The following PLCG2 variants were observed in gnomAD, a reference collection of about 807,000 sequenced individuals.
PLCG2 encodes 1-phosphatidylinositol 4,5-bisphosphate phosphodiesterase gamma-2.
In PLCG2, 69 loss-of-function variants were observed where a neutral mutation model predicts 175.6. The ratio of observed to expected loss-of-function variants is 0.39; its 90% CI spans 0.32 to 0.48. The LOEUF is 0.48. Among genes scored for constraint, PLCG2 ranks in the 20% least tolerant of loss-of-function variants. The probability of loss-of-function intolerance (pLI) is 0.91; values close to 1 mark genes in which losing one functional copy is unlikely to be tolerated. For synonymous variants in PLCG2, 827 were observed against 624.0 expected (o/e 1.33, Z -4.85); for missense variants, 1,798 against 1,650.9 (o/e 1.09, Z -1.54).
chr16:81,923,447 C>T, intron 21 of PLCG2, 38 bp from the exon 22 acceptor site: 1 of 1,361,954 alleles, frequency 7.3e-7, no homozygotes, highest in Non-Finnish European at 1.0e-6. Context: ...CCCCTCCTGT[C>T]CCTGGCCTGA....
At chr16:81,823,566 C>A (rs1056707016) in intron 2 of PLCG2, among the ~76,000 whole-genome samples, 2 of 152,180 alleles carry the variant, frequency 1.3e-5, no homozygotes, top group African/African-American at 4.8e-5. Context: ...GGCTCTGTCG[C>A]CCAGGCTGGA....
intron 19 of PLCG2, 136 bp from the exon 20 acceptor site, chr16:81,919,348 G>A: frequency 1.6e-6 from 1 of 629,606 alleles, no homozygotes; most frequent in Non-Finnish European, 2.9e-6. Context: ...GTATTCCATA[G>A]GAGGACTATA....
At chr16:81,834,495 T>G (rs2143398361) in intron 2 of PLCG2, among the ~76,000 whole-genome samples, 1 of 152,112 alleles carries the variant, frequency 6.6e-6, no homozygotes, top group African/African-American at 2.4e-5. Context: ...AAAATGGAGT[T>G]GATGATAATG....
Position 81,794,689 on chromosome 16 carries a change from C to T in PLCG2, c.193+8507C>T, listed in dbSNP as rs576959820. The stretch of plus-strand genomic sequence containing the variant: ...TAAATGACGTGATATATGTAAAATC[C>T]TTCAATAGTATCTGGCACAGAGGAT... On this transcript the variant is annotated intron_variant, in intron 2 of 32. Transcript: ENST00000564138. Among the ~76,000 whole-genome samples, 4 of 152,292 alleles carry T rather than the reference C, an allele frequency of 2.6e-5. No homozygotes were observed. The South Asian group carries it at 6.2e-4, about 24-fold the overall frequency.
intron 2 of PLCG2, among the ~76,000 whole-genome samples, chr16:81,766,482 TTCC>T (rs1049591823): frequency 0.059 from 22 of 376 alleles, no homozygotes; most frequent in African/African-American, 0.11. Flanking sequence ...CCTCCTCCTC[TTCC>T]TCCTCCTCCT....
chr16:81,932,208 G>C (rs1910531468), intron 25 of PLCG2, among the ~76,000 whole-genome samples: 1 of 152,030 alleles, frequency 6.6e-6, no homozygotes. Flanking sequence ...TGAGCTTCTG[G>C]ATAAGAATAG....
intron 2 of PLCG2, among the ~76,000 whole-genome samples, chr16:81,769,410 C>G (rs1910223865): frequency 6.6e-6 from 1 of 152,192 alleles, no homozygotes; most frequent in Admixed American, 6.5e-5. Flanking sequence ...GGCCCTGCCC[C>G]TACGTTCTGA....
At chr16:81,834,234 A>T (rs1231267057) in intron 2 of PLCG2, among the ~76,000 whole-genome samples, 1 of 152,156 alleles carries the variant, frequency 6.6e-6, no homozygotes, top group Non-Finnish European at 1.5e-5. Flanking sequence ...GTCAACTCTG[A>T]CACCTATTAA....
rs552831054 is a variant in PLCG2, at chr16:81,820,873, A to G, written c.194-33571A>G. 3.3e-5 allele frequency among the ~76,000 whole-genome samples: 5 copies of G among 151,446 alleles called. No homozygotes were observed. In the East Asian group the frequency reaches 9.7e-4, roughly 29 times the overall value. ...TGACGTCAAATGATCCGCCCACCTCAGCCTCCTGAGTAGGTGGGATTACAG... is the reference window on the plus strand; with the variant it reads ...TGACGTCAAATGATCCGCCCACCTCGGCCTCCTGAGTAGGTGGGATTACAG... On this transcript the variant is annotated intron_variant, in intron 2 of 32. Coordinates refer to ENST00000564138, the MANE Select transcript of PLCG2 (RefSeq NM_002661.5).
chr16:81,940,192 T>G, intron 30 of PLCG2, 133 bp downstream of exon 30: 1 of 728,782 alleles, frequency 1.4e-6, no homozygotes, highest in East Asian at 2.7e-5. Flanking sequence ...TTGGGTGGCT[T>G]GGAGAGCAGG....
intron 7 of PLCG2, among the ~76,000 whole-genome samples, chr16:81,879,743 T>G (rs939250108): frequency 6.6e-6 from 1 of 152,040 alleles, no homozygotes; most frequent in Non-Finnish European, 1.5e-5. Context: ...ATGGACAAGA[T>G]GTGGGTGTGC....
intron 2 of PLCG2, among the ~76,000 whole-genome samples, chr16:81,838,721 C>G (rs1905655248): frequency 6.6e-6 from 1 of 150,850 alleles, no homozygotes; most frequent in Admixed American, 6.6e-5. Context: ...CACAGGTATG[C>G]CTATGTAACA....
chr16:81,888,723 G>A (rs1908491298), intron 9 of PLCG2, among the ~76,000 whole-genome samples: 1 of 152,218 alleles, frequency 6.6e-6, no homozygotes, highest in South Asian at 2.1e-4. Flanking sequence ...GAAGGCTGAT[G>A]TAACTACTAT....
chr16:81,771,994 G>A (rs1910291449), intron 2 of PLCG2, among the ~76,000 whole-genome samples: 2 of 152,122 alleles, frequency 1.3e-5, no homozygotes, highest in African/African-American at 4.8e-5. Flanking sequence ...TGTTGGCCAG[G>A]CTGGTCTTAA....
chr16:81,834,553 A>C (rs1485267922), intron 2 of PLCG2, among the ~76,000 whole-genome samples: 1 of 151,936 alleles, frequency 6.6e-6, no homozygotes, highest in Non-Finnish European at 1.5e-5. Context: ...ATGGACAGAG[A>C]GCACTCGTCA....
chr16:81,892,254 G>A (rs573504204), intron 11 of PLCG2, among the ~76,000 whole-genome samples: 6 of 152,234 alleles, frequency 3.9e-5, no homozygotes, highest in Non-Finnish European at 8.8e-5. Context: ...GTAGGTCACC[G>A]TGAGAGCTGT....
chr16:81,921,328 C>T (rs1353882778), intron 21 of PLCG2, 59 bp downstream of exon 21: 6 of 1,083,660 alleles, frequency 5.5e-6, no homozygotes, highest in East Asian at 2.4e-5. Flanking sequence ...ATGTGGATTC[C>T]ATCTTGTTCC....
At chr16:81,837,424 G>A (rs148429454) in intron 2 of PLCG2, among the ~76,000 whole-genome samples, 2,582 of 152,346 alleles carry the variant, frequency 0.017, 73 homozygotes, top group African/African-American at 0.06. Context: ...TCAGGAGGCT[G>A]CATGAACATC....
At chr16:81,833,478 G>T (rs906132350) in intron 2 of PLCG2, among the ~76,000 whole-genome samples, 7 of 151,740 alleles carry the variant, frequency 4.6e-5, no homozygotes, top group Admixed American at 4.6e-4. Flanking sequence ...TCACTGACAA[G>T]GTAAAAGGAT....
Sources: allele counts gnomAD v4.1 joint callset (sites outside exome capture counted in the v4.1 genomes callset), GRCh38; gene constraint gnomAD v4.1.1; transcripts MANE v1.5; gene names NCBI Gene and HGNC (gene_info 2026-07-23, HGNC 2026-07-21).